Variants in MB21D2 observed in about 807,000 individuals in gnomAD.
The protein encoded by MB21D2 is nucleotidyltransferase MB21D2.
A neutral mutation model predicts 33.3 loss-of-function variants in MB21D2; 9 were observed. That is an observed-to-expected ratio of 0.27 (90% CI 0.16 to 0.47). The LOEUF (loss-of-function observed/expected upper bound fraction) is 0.47, where lower values mean the gene tolerates loss of function less well. MB21D2 is among the 20% of genes least tolerant of loss of function. The pLI, the probability that MB21D2 is intolerant of heterozygous loss-of-function variation, is 0.99. For synonymous variants in MB21D2, 241 were observed against 236.3 expected, an observed-to-expected ratio of 1.02 and a Z score of -0.18; for missense variants, 540 against 624.6, an observed-to-expected ratio of 0.86 and a Z score of 1.44.
chr3:192,799,661 A>C lies in MB21D2; in HGVS notation c.212-11T>G. The C allele has an allele frequency of 6.2e-7, 1 of 1,606,210 alleles. No individual in the cohort carries two copies. The highest frequency in any genetic ancestry group is 1.1e-5 in the South Asian group (1 of 90,118). ...GCTTTTGCACCATTCCTGGAAATAAAGAAGAAAAAAACAACACTATTACAG... is the reference window on the plus strand; with the variant it reads ...GCTTTTGCACCATTCCTGGAAATAACGAAGAAAAAAACAACACTATTACAG... On this transcript the variant is annotated splice_polypyrimidine_tract_variant and intron_variant, in intron 1 of 1. Transcript: ENST00000392452. The surrounding 1 kb of genome is among the most constrained non-coding windows in gnomAD (Gnocchi z 4.1).
chr3:192,857,928 C>T (rs1271218066), intron 1 of MB21D2, among the ~76,000 whole-genome samples: 1 of 152,132 alleles, frequency 6.6e-6, no homozygotes, highest in African/African-American at 2.4e-5. Context: ...AGTTCGAGAC[C>T]AGCCTGGCCA....
intron 1 of MB21D2, among the ~76,000 whole-genome samples, chr3:192,869,896 T>A (rs1713253395): frequency 6.6e-6 from 1 of 152,078 alleles, no homozygotes; most frequent in African/African-American, 2.4e-5. Flanking sequence ...CAGCAGGAAA[T>A]AAGGGAGCTT....
chr3:192,838,707 T>C (rs1560235833), intron 1 of MB21D2, among the ~76,000 whole-genome samples: 1 of 152,114 alleles, frequency 6.6e-6, no homozygotes, highest in African/African-American at 2.4e-5. Context: ...GGATTACAGG[T>C]GTGAGCCACC....
chr3:192,903,920 C>T (rs1714153803), intron 1 of MB21D2, among the ~76,000 whole-genome samples: 1 of 152,228 alleles, frequency 6.6e-6, no homozygotes, highest in South Asian at 2.1e-4. Context: ...CTCTCTGAGG[C>T]TTCACCAGAG....
intron 1 of MB21D2, among the ~76,000 whole-genome samples, chr3:192,816,465 G>GT (rs1329186941): frequency 2.0e-5 from 3 of 152,144 alleles, no homozygotes; most frequent in African/African-American, 7.2e-5. Flanking sequence ...TCCACTAGAG[G>GT]TCATGCCTTC....
At chr3:192,807,057 G>A (rs1487900675) in intron 1 of MB21D2, among the ~76,000 whole-genome samples, 1 of 152,072 alleles carries the variant, frequency 6.6e-6, no homozygotes, top group Non-Finnish European at 1.5e-5. Context: ...GTGCTTAGTT[G>A]GTAATCAGTG....
chr3:192,826,791 G>A (rs1712181727), intron 1 of MB21D2, among the ~76,000 whole-genome samples: 5 of 152,154 alleles, frequency 3.3e-5, no homozygotes, highest in Admixed American at 2.6e-4. Context: ...TAGACACAGA[G>A]GAGGCTGAGT....
intron 1 of MB21D2, among the ~76,000 whole-genome samples, chr3:192,862,811 G>A (rs919914380): frequency 1.3e-5 from 2 of 152,200 alleles, no homozygotes; most frequent in Non-Finnish European, 2.9e-5. Flanking sequence ...TATAAACAAT[G>A]TAAATGTATT....
chr3:192,878,997 A>G (rs111286541), intron 1 of MB21D2, among the ~76,000 whole-genome samples: 1,797 of 152,234 alleles, frequency 0.012, 34 homozygotes, highest in African/African-American at 0.041. Context: ...AAGAATCACC[A>G]TGCCAGCATA....
Position 192,799,539 on chromosome 3 carries a change from T to C in MB21D2, c.323A>G (p.Tyr108Cys), listed in dbSNP as rs758187659. 2.5e-5 allele frequency: 40 copies of C among 1,614,040 alleles called. No homozygotes were observed. The highest frequency in any genetic ancestry group is 6.7e-5 in the African/African-American group (5 of 74,908). Reference protein sequence around the residue: ...VDLDLDELNVYARGTDYDMDF... With the variant: ...VDLDLDELNVCARGTDYDMDF... The stretch of plus-strand genomic sequence containing the variant: ...CATATCATAGTCAGTACCCCGGGCA[T>C]AGACATTAAGCTCATCTAAGTCCAG... Residue 108 changes from tyrosine to cysteine, a missense_variant, in exon 2 of 2, where the codon TAT becomes TGT. Transcript: ENST00000392452. This position sits in a 1 kb window ranked among gnomAD's most constrained non-coding sequence, Gnocchi z 4.1.
chr3:192,872,867 G>A (rs1381486223), intron 1 of MB21D2, among the ~76,000 whole-genome samples: 4 of 152,082 alleles, frequency 2.6e-5, no homozygotes, highest in South Asian at 2.1e-4. Flanking sequence ...CACATTAGGG[G>A]TGCCATTAGA....
intron 1 of MB21D2, among the ~76,000 whole-genome samples, chr3:192,886,287 T>C (rs368374961): frequency 2.0e-5 from 3 of 152,270 alleles, no homozygotes; most frequent in African/African-American, 7.2e-5. Flanking sequence ...AAAGTCTCCA[T>C]TGTTTTGTGA....
intron 1 of MB21D2, among the ~76,000 whole-genome samples, chr3:192,860,435 A>C (rs1023546762): frequency 1.3e-5 from 2 of 152,350 alleles, no homozygotes; most frequent in Admixed American, 1.3e-4. Context: ...CTGGGAAACA[A>C]GTATATTTCA....
intron 1 of MB21D2, among the ~76,000 whole-genome samples, chr3:192,889,221 A>G (rs1233219665): frequency 6.6e-6 from 1 of 152,090 alleles, no homozygotes; most frequent in Non-Finnish European, 1.5e-5. Context: ...GGAGTTCTCT[A>G]TTAAGATGGT....
intron 1 of MB21D2, among the ~76,000 whole-genome samples, chr3:192,851,059 A>G (rs1176629938): frequency 6.6e-6 from 1 of 152,222 alleles, no homozygotes; most frequent in Non-Finnish European, 1.5e-5. Flanking sequence ...CCTATGAAGT[A>G]ATTATGAAGA....
At chr3:192,835,756 A>G (rs893097652) in intron 1 of MB21D2, among the ~76,000 whole-genome samples, 3 of 152,048 alleles carry the variant, frequency 2.0e-5, no homozygotes, top group African/African-American at 4.8e-5. Flanking sequence ...AAACTCTGCC[A>G]ACTTACAGAT....
intron 1 of MB21D2, among the ~76,000 whole-genome samples, chr3:192,916,713 C>G (rs558447769): frequency 2.0e-5 from 3 of 152,180 alleles, no homozygotes; most frequent in Admixed American, 6.5e-5. Flanking sequence ...CTCGGTCTCC[C>G]GGGCCTGGCT....
At chr3:192,892,414 G>T (rs925735960) in intron 1 of MB21D2, among the ~76,000 whole-genome samples, 10 of 152,174 alleles carry the variant, frequency 6.6e-5, no homozygotes, top group African/African-American at 2.2e-4. Context: ...CTCAGAAAAA[G>T]TCTTAATTTA....
At chr3:192,832,482 C>T (rs7625269) in intron 1 of MB21D2, among the ~76,000 whole-genome samples, 10,610 of 152,142 alleles carry the variant, frequency 0.07, 1,235 homozygotes, top group African/African-American at 0.24. Context: ...TAAAAATCTG[C>T]ATAATAAGGA....
Sources: gnomAD v4.1 joint callset for allele counts (sites outside exome capture counted in the v4.1 genomes callset) on GRCh38, gnomAD v4.1.1 for gene constraint, Gnocchi (gnomAD v3.1) non-coding constraint, MANE v1.5 for transcripts, NCBI Gene and HGNC (gene_info 2026-07-23, HGNC 2026-07-21) for gene names.